ITPR2: variants seen among roughly 807,000 people sequenced by gnomAD.
ITPR2 encodes inositol 1,4,5-trisphosphate-gated calcium channel ITPR2.
Under a neutral mutation model 317.1 loss-of-function variants are expected in ITPR2, and 207 were observed. The ratio of observed to expected loss-of-function variants is 0.65; its 90% confidence interval spans 0.58 to 0.73. The LOEUF is 0.73. ITPR2 is among the 30% of genes least tolerant of loss of function. The pLI is 0.00. For synonymous variants in ITPR2, 1,156 were observed against 1,149.1 expected, an observed-to-expected ratio of 1.01 and a Z score of -0.12; for missense variants, 2,613 against 3,284.0, an observed-to-expected ratio of 0.80 and a Z score of 4.99.
chr12:26,554,268 G>C (rs577003360), intron 36 of ITPR2, among the ~76,000 whole-genome samples: 1 of 152,268 alleles, frequency 6.6e-6, no homozygotes, highest in South Asian at 2.1e-4. Context: ...GCCACATGTG[G>C]CTACTGAGCA....
intron 55 of ITPR2, among the ~76,000 whole-genome samples, chr12:26,362,551 T>C (rs1938867863): frequency 6.6e-6 from 1 of 152,212 alleles, no homozygotes; most frequent in Non-Finnish European, 1.5e-5. Context: ...TACTTTCAGT[T>C]AGTCACTGAT....
intron 4 of ITPR2, 81 bp from the exon 5 acceptor site, chr12:26,722,636 CAT>C: frequency 1.0e-6 from 1 of 956,548 alleles, no homozygotes; most frequent in South Asian, 1.9e-5. Flanking sequence ...ATACATGTAT[CAT>C]ATATTCATCT....
intron 15 of ITPR2, among the ~76,000 whole-genome samples, chr12:26,660,810 T>C (rs1276574972): frequency 6.6e-6 from 1 of 152,098 alleles, no homozygotes. Context: ...AGAGGTGGTA[T>C]CAAATTTTAT....
At chr12:26,507,065 T>A (rs1943207869) in intron 37 of ITPR2, among the ~76,000 whole-genome samples, 1 of 152,234 alleles carries the variant, frequency 6.6e-6, no homozygotes, top group Non-Finnish European at 1.5e-5. Flanking sequence ...ATTTCTTGCA[T>A]CTATTTGTCC....
chr12:26,814,930 A>G (rs745763085), intron 1 of ITPR2, among the ~76,000 whole-genome samples: 1 of 150,844 alleles, frequency 6.6e-6, no homozygotes, highest in Non-Finnish European at 1.5e-5. Context: ...TTAAAATTTG[A>G]CAAGATTTTC....
chr12:26,339,305 T>G lies in ITPR2; in HGVS notation c.*92A>C. 1.9e-6 allele frequency: 2 copies of G among 1,074,442 alleles called. No homozygotes were observed. The highest frequency in any genetic ancestry group is 2.7e-5 in the South Asian group (2 of 73,206). The allele number at this position is 1,074,442 out of a possible 1,614,324, so 66.6% of individuals were successfully genotyped here. ...TTGGTTGTTTTTAACTTTTCAACAA[T>G]AGGCACTGTTCACTCCCCTCCATCT... is the stretch of plus-strand genomic sequence containing the variant. On this transcript the variant is annotated 3_prime_UTR_variant, in exon 57 of 57. Transcript: ENST00000381340.
intron 46 of ITPR2, 78 bp downstream of exon 46, chr12:26,443,465 A>T: frequency 8.6e-7 from 1 of 1,159,158 alleles, no homozygotes; most frequent in Non-Finnish European, 1.3e-6. Flanking sequence ...TCTAGAAAAA[A>T]ATATGAAAAT....
chr12:26,483,630 G>T (rs1942592673), intron 42 of ITPR2, 68 bp downstream of exon 42: 1 of 1,106,768 alleles, frequency 9.0e-7, no homozygotes, highest in Non-Finnish European at 1.4e-6. Flanking sequence ...TCTTTCAAGT[G>T]CACACAAAGA....
Position 26,686,634 on chromosome 12 carries a change from T to C in ITPR2, c.997-2A>G, listed in dbSNP as rs760884926. On this transcript the variant is annotated splice_acceptor_variant, in intron 10 of 56. Transcript: ENST00000381340. LOFTEE classifies it high-confidence loss of function. ...TGAAGTTGGAGGGACTCCATCTCTC[T>C]GTTGAGGAAGTACAAGTTTATTTAC... 6.2e-7 allele frequency: 1 copy of C among 1,602,796 alleles called. No individual in the cohort carries two copies. Among genetic ancestry groups the C allele is most frequent in the Non-Finnish European group, 8.5e-7 (1 of 1,175,628 alleles).
Position 26,495,270 on chromosome 12 carries a change from A to T in ITPR2, c.5074-10T>A. ...TTCTTAATGTGTTACCCTAATAAGAAGGATAACAAAGAGTTACTGTTCCCT... is the reference window on the plus strand; with the variant it reads ...TTCTTAATGTGTTACCCTAATAAGATGGATAACAAAGAGTTACTGTTCCCT... On this transcript the variant is annotated splice_polypyrimidine_tract_variant and intron_variant, in intron 37 of 56. Transcript: ENST00000381340. 1.4e-6 allele frequency: 2 copies of T among 1,399,064 alleles called. No homozygotes were observed. Among genetic ancestry groups the T allele is most frequent in the Non-Finnish European group, 2.0e-6 (2 of 991,042 alleles). The allele number at this position is 1,399,064 out of a possible 1,614,324, so 86.7% of individuals were successfully genotyped here.
At position 26,472,412 on chromosome 12, in the gene ITPR2, CTT is replaced by C. The variant is rs1353009173; in HGVS notation, c.6342+2882_6342+2883del. ...TTGTTCTCTCTCTTCTCGAGTCTGC[CTT>C]TGTTTCTCTACTTCTATATTGGACC... On this transcript the variant is annotated intron_variant, in intron 45 of 56. Coordinates refer to ENST00000381340, the MANE Select transcript of ITPR2 (RefSeq NM_002223.4). 2.6e-5 allele frequency among the ~76,000 whole-genome samples: 4 copies of C among 151,828 alleles called. No individual in the cohort carries two copies. The East Asian group carries it at 5.8e-4, about 22-fold the overall frequency.
At chr12:26,616,131 T>C (rs1044757553) in intron 26 of ITPR2, among the ~76,000 whole-genome samples, 6 of 95,662 alleles carry the variant, frequency 6.3e-5, no homozygotes, top group African/African-American at 3.2e-4. Context: ...TATTTATTTT[T>C]ATTTTATTTT....
intron 45 of ITPR2, among the ~76,000 whole-genome samples, chr12:26,453,377 A>G (rs925712539): frequency 6.6e-6 from 1 of 152,214 alleles, no homozygotes; most frequent in African/African-American, 2.4e-5. Flanking sequence ...TTCTAAAGTA[A>G]TCATTATTGT....
intron 46 of ITPR2, among the ~76,000 whole-genome samples, chr12:26,441,532 G>A (rs540111583): frequency 2.0e-5 from 3 of 152,176 alleles, no homozygotes; most frequent in Non-Finnish European, 4.4e-5. Context: ...AGCATACACA[G>A]TGAGATGAAA....
chr12:26,602,502 A>C lies in ITPR2; in HGVS notation c.3553-7T>G. On this transcript the variant is annotated splice_polypyrimidine_tract_variant and splice_region_variant and intron_variant, in intron 27 of 56. Transcript: ENST00000381340. Reference sequence around the variant, plus strand: ...TACTTAGCCTGATCAAAATCTTTAAAAGGAAGAGGGAAAGCATCAAATATA... The same window carrying C: ...TACTTAGCCTGATCAAAATCTTTAACAGGAAGAGGGAAAGCATCAAATATA... The C allele has an allele frequency of 6.2e-7, 1 of 1,608,026 alleles. No homozygotes were observed. The highest frequency in any genetic ancestry group is 8.5e-7 in the Non-Finnish European group (1 of 1,176,952).
chr12:26,680,126 T>C (rs1487515792), intron 13 of ITPR2, among the ~76,000 whole-genome samples: 1 of 152,166 alleles, frequency 6.6e-6, no homozygotes, highest in Non-Finnish European at 1.5e-5. Flanking sequence ...ACTATACATG[T>C]CTATTGACAA....
At chr12:26,687,323 C>T (rs895011894) in intron 10 of ITPR2, among the ~76,000 whole-genome samples, 4 of 151,888 alleles carry the variant, frequency 2.6e-5, no homozygotes, top group South Asian at 2.1e-4. Context: ...ACTGGTTGCA[C>T]GAGAAACCAA....
At chr12:26,811,853 GAA>G (rs35083731) in intron 1 of ITPR2, among the ~76,000 whole-genome samples, 1,101 of 71,878 alleles carry the variant, frequency 0.015, 12 homozygotes, top group Admixed American at 0.022. Flanking sequence ...GACTCCGTCT[GAA>G]AAAAAAAAAA....
intron 32 of ITPR2, among the ~76,000 whole-genome samples, chr12:26,583,410 T>A (rs1335314341): frequency 6.6e-6 from 1 of 152,142 alleles, no homozygotes; most frequent in African/African-American, 2.4e-5. Context: ...TATTTTTGCA[T>A]TCTATTTAAA....
Sources: gnomAD v4.1 joint callset for allele counts (sites outside exome capture counted in the v4.1 genomes callset) on GRCh38, gnomAD v4.1.1 for gene constraint, MANE v1.5 for transcripts, NCBI Gene and HGNC (gene_info 2026-07-23, HGNC 2026-07-21) for gene names.